Variants in CHMP4B observed in about 807,000 individuals in gnomAD.
CHMP4B encodes the protein SNF7 homolog associated with Alix 1.
In CHMP4B, 1 loss-of-function variant was observed where a neutral mutation model predicts 25.1. The ratio of observed to expected loss-of-function variants is 0.04; its 90% CI spans 0.01 to 0.19. The LOEUF is 0.19. Ranked by LOEUF, CHMP4B falls within the 10% of genes least tolerant of loss-of-function variation. CHMP4B has a pLI of 1.00. For synonymous variants in CHMP4B, 101 were observed against 115.6 expected (o/e 0.87, Z 0.81); for missense variants, 151 against 289.7 (o/e 0.52, Z 3.48).
intron 1 of CHMP4B, among the ~76,000 whole-genome samples, chr20:33,831,163 T>C (rs1056522764): frequency 1.7e-4 from 25 of 151,480 alleles, no homozygotes; most frequent in Admixed American, 3.9e-4. Context: ...GGCGTGATCT[T>C]GGCTCACTGC....
chr20:33,848,726 G>A (rs1979757335), intron 2 of CHMP4B, 82 bp downstream of exon 2: 10 of 1,468,282 alleles, frequency 6.8e-6, no homozygotes, highest in Admixed American at 1.8e-5. Flanking sequence ...TTGGGCAGAC[G>A]GATCCCTTGA....
At chr20:33,842,118 G>A (rs1166138009) in intron 1 of CHMP4B, among the ~76,000 whole-genome samples, 1 of 152,158 alleles carries the variant, frequency 6.6e-6, no homozygotes, top group African/African-American at 2.4e-5. Context: ...TATTCTTGAT[G>A]CCATGATCGT....
intron 1 of CHMP4B, among the ~76,000 whole-genome samples, chr20:33,812,617 T>G (rs1978664007): frequency 6.6e-6 from 1 of 152,238 alleles, no homozygotes; most frequent in Non-Finnish European, 1.5e-5. Context: ...TGTTTGCTTT[T>G]TCTTGTTATG....
chr20:33,820,993 A>G lies in CHMP4B; in HGVS notation c.190+9335A>G, dbSNP rs182329902. Among the ~76,000 whole-genome samples, 337 of 152,354 alleles carry G rather than the reference A, an allele frequency of 2.2e-3. 1 individual carries two copies. Among genetic ancestry groups the G allele is most frequent in the African/African-American group, 7.9e-3 (327 of 41,588 alleles). ...ATTAATTTGCTTAATTATTCAGTTA[A>G]TGATTCAGTTAAAATTATAATTGTC... On this transcript the variant is annotated intron_variant, in intron 1 of 4. Transcript: ENST00000217402.
chr20:33,849,677 C>A, intron 2 of CHMP4B, among the ~76,000 whole-genome samples: 1 of 152,144 alleles, frequency 6.6e-6, no homozygotes, highest in Non-Finnish European at 1.5e-5. Flanking sequence ...TTTGGGGGTG[C>A]TAGGTGCCTT....
intron 2 of CHMP4B, 67 bp from the exon 3 acceptor site, chr20:33,850,885 C>T: frequency 8.6e-7 from 1 of 1,161,862 alleles, no homozygotes; most frequent in Non-Finnish European, 1.3e-6. Context: ...CTGCTCCCGC[C>T]TTGCCTTGCA....
At chr20:33,845,784 A>G (rs1794387789) in intron 1 of CHMP4B, among the ~76,000 whole-genome samples, 1 of 152,172 alleles carries the variant, frequency 6.6e-6, no homozygotes, top group South Asian at 2.1e-4. Context: ...GCTTTTGTGG[A>G]AAAGGAACAC....
At chr20:33,832,573 T>C (rs1220122941) in intron 1 of CHMP4B, among the ~76,000 whole-genome samples, 4 of 152,202 alleles carry the variant, frequency 2.6e-5, no homozygotes, top group African/African-American at 9.6e-5. Flanking sequence ...GGTAGTCATG[T>C]AAATGGTACA....
chr20:33,811,354 G>T lies in CHMP4B; in HGVS notation c.-115G>T, dbSNP rs1361055531. 4.6e-6 allele frequency: 4 copies of T among 870,046 alleles called. No individual in the cohort carries two copies. The highest frequency in any genetic ancestry group is 8.1e-5 in the East Asian group (2 of 24,844). The allele number at this position is 870,046 out of a possible 1,614,324, so 53.9% of individuals were successfully genotyped here. On this transcript the variant is annotated 5_prime_UTR_variant, in exon 1 of 5. Coordinates refer to ENST00000217402, the MANE Select transcript of CHMP4B (RefSeq NM_176812.5). ...GGGCGGAGGCGGAGGCGGAGGAGAG[G>T]CCTGCGGCGGCAGGGAGCGGCGGGA...
chr20:33,833,106 G>T (rs1426042854), intron 1 of CHMP4B, among the ~76,000 whole-genome samples: 1 of 152,018 alleles, frequency 6.6e-6, no homozygotes, highest in East Asian at 1.9e-4. Flanking sequence ...ATTTGGATTT[G>T]ACCCACTCTG....
At chr20:33,813,010 TACTAAACAC>T (rs1420656531) in intron 1 of CHMP4B, among the ~76,000 whole-genome samples, 1 of 152,076 alleles carries the variant, frequency 6.6e-6, no homozygotes, top group Non-Finnish European at 1.5e-5. Flanking sequence ...GGGTGATAAG[TACTAAACAC>T]ACAAAAAGAT....
chr20:33,812,823 G>A (rs1978672642), intron 1 of CHMP4B, among the ~76,000 whole-genome samples: 1 of 152,186 alleles, frequency 6.6e-6, no homozygotes, highest in Non-Finnish European at 1.5e-5. Flanking sequence ...ATTCTAATAG[G>A]AGAACAAAAT....
Position 33,844,973 on chromosome 20 carries a change from A to G in CHMP4B, c.191-3494A>G, listed in dbSNP as rs991887005. Among the ~76,000 whole-genome samples the G allele has an allele frequency of 4.0e-5, 6 of 151,826 alleles. No individual in the cohort carries two copies. The South Asian group carries it at 6.3e-4, about 16-fold the overall frequency. On this transcript the variant is annotated intron_variant, in intron 1 of 4. Coordinates refer to ENST00000217402, the MANE Select transcript of CHMP4B (RefSeq NM_176812.5). ...ATGGGGTTTCACCGTGTTAGCCAGG[A>G]TGGTCTTGATCTCCTGACTTTGTAA...
At chr20:33,846,146 G>A (rs1349068893) in intron 1 of CHMP4B, among the ~76,000 whole-genome samples, 5 of 152,130 alleles carry the variant, frequency 3.3e-5, no homozygotes, top group Non-Finnish European at 5.9e-5. Flanking sequence ...TAAGTGGGGG[G>A]CATAACATAA....
At chr20:33,829,765 C>T (rs757315729) in intron 1 of CHMP4B, among the ~76,000 whole-genome samples, 23 of 152,088 alleles carry the variant, frequency 1.5e-4, no homozygotes, top group Non-Finnish European at 2.5e-4. Context: ...AGAGAGTCTC[C>T]GGAGATAGTT....
At chr20:33,826,224 G>A (rs1979090838) in intron 1 of CHMP4B, among the ~76,000 whole-genome samples, 1 of 152,206 alleles carries the variant, frequency 6.6e-6, no homozygotes, top group East Asian at 1.9e-4. Context: ...GCACCAGGGG[G>A]ATGGCAGGGA....
intron 1 of CHMP4B, among the ~76,000 whole-genome samples, chr20:33,830,933 G>GTTGTTTTTT (rs746793442): frequency 2.0e-5 from 2 of 102,524 alleles, no homozygotes; most frequent in African/African-American, 7.3e-5. Flanking sequence ...AAGGAACAGA[G>GTTGTTTTTT]TTTTTTTTTT....
intron 1 of CHMP4B, among the ~76,000 whole-genome samples, chr20:33,845,229 A>G (rs1979654328): frequency 6.6e-6 from 1 of 151,958 alleles, no homozygotes. Flanking sequence ...TTCATTTGGG[A>G]TCTCTGGATG....
chr20:33,853,572 G>T lies in CHMP4B; in HGVS notation c.*12G>T, dbSNP rs771942400. The T allele has an allele frequency of 6.2e-7, 1 of 1,610,482 alleles. No individual in the cohort carries two copies. The highest frequency in any genetic ancestry group is 1.3e-5 in the African/African-American group (1 of 74,832). On this transcript the variant is annotated 3_prime_UTR_variant, in exon 5 of 5. Transcript: ENST00000217402. ...CTGGATCCATGTAATGGGGTCCAGCGCTGGCTGGGCCCAGACAGACTGTGG... is the reference window on the plus strand; with the variant it reads ...CTGGATCCATGTAATGGGGTCCAGCTCTGGCTGGGCCCAGACAGACTGTGG...
Sources: allele counts gnomAD v4.1 joint callset (sites outside exome capture counted in the v4.1 genomes callset), GRCh38; gene constraint gnomAD v4.1.1; transcripts MANE v1.5; gene names NCBI Gene and HGNC (gene_info 2026-07-23, HGNC 2026-07-21).